Variants in PTPRT observed in about 807,000 individuals in gnomAD.
PTPRT encodes protein tyrosine phosphatase receptor type T.
In PTPRT, 56 loss-of-function variants were observed where a neutral mutation model predicts 176.8. The ratio of observed to expected loss-of-function variants is 0.32; its 90% CI spans 0.26 to 0.40. PTPRT has a LOEUF of 0.40. Ranked by LOEUF, PTPRT falls within the 10% of genes least tolerant of loss-of-function variation. The pLI is 1.00. For missense variants in PTPRT, 1,540 were observed against 1,908.2 expected, an observed-to-expected ratio of 0.81 and a Z score of 3.60; for synonymous variants, 783 against 739.0, an observed-to-expected ratio of 1.06 and a Z score of -0.96.
At chr20:42,593,948 T>G (rs1256473213) in intron 7 of PTPRT, among the ~76,000 whole-genome samples, 1 of 152,104 alleles carries the variant, frequency 6.6e-6, no homozygotes, top group East Asian at 1.9e-4. Context: ...CAGAGAGAGG[T>G]TGAAGCTGGA....
At chr20:43,061,107 G>A (rs1353849539) in intron 1 of PTPRT, among the ~76,000 whole-genome samples, 2 of 151,996 alleles carry the variant, frequency 1.3e-5, no homozygotes, top group Non-Finnish European at 2.9e-5. Context: ...TGGATGGATG[G>A]ATGGATGGAT....
At chr20:42,545,228 G>A (rs73906947) in intron 7 of PTPRT, among the ~76,000 whole-genome samples, 2,263 of 152,238 alleles carry the variant, frequency 0.015, 58 homozygotes, top group African/African-American at 0.052. Context: ...TTGGAATTCC[G>A]TAGTACCGGT....
At chr20:42,177,769 G>A (rs563450577) in intron 16 of PTPRT, among the ~76,000 whole-genome samples, 4 of 152,202 alleles carry the variant, frequency 2.6e-5, no homozygotes, top group African/African-American at 9.6e-5. Flanking sequence ...TAGGGAAGAA[G>A]AATGGTAAGT....
chr20:42,215,391 T>C (rs568858839), intron 15 of PTPRT, among the ~76,000 whole-genome samples: 2 of 152,332 alleles, frequency 1.3e-5, no homozygotes, highest in East Asian at 1.9e-4. Flanking sequence ...TGATGAGAAA[T>C]GATAAATGAT....
chr20:42,232,485 G>A (rs1600707210), intron 15 of PTPRT, among the ~76,000 whole-genome samples: 1 of 152,178 alleles, frequency 6.6e-6, no homozygotes, highest in African/African-American at 2.4e-5. Context: ...TACTGGTCCA[G>A]GGTCCACACA....
chr20:42,821,945 GGAT>G lies in PTPRT; in HGVS notation c.215-30482_215-30480del, dbSNP rs545338568. 6.9e-3 allele frequency among the ~76,000 whole-genome samples: 1,053 copies of G among 152,246 alleles called. 10 individuals carry two copies. Among genetic ancestry groups the G allele is most frequent in the African/African-American group, 0.024 (992 of 41,536 alleles). On this transcript the variant is annotated intron_variant, in intron 2 of 30. Transcript: ENST00000373187. ...AAATGGAAAAACATTCCATCCTCAT[GGAT>G]AGGAAGAATCAATACTGTGAAAATG... is the stretch of plus-strand genomic sequence containing the variant.
intron 5 of PTPRT, among the ~76,000 whole-genome samples, chr20:42,757,255 T>A (rs949385022): frequency 1.8e-4 from 27 of 152,200 alleles, no homozygotes; most frequent in Non-Finnish European, 3.4e-4. Flanking sequence ...TTCCTCCCTA[T>A]TTTCCTTTTT....
chr20:42,185,397 T>C (rs934309712), intron 16 of PTPRT, among the ~76,000 whole-genome samples: 1 of 152,196 alleles, frequency 6.6e-6, no homozygotes, highest in Non-Finnish European at 1.5e-5. Context: ...CCTATTCCTA[T>C]GATTGAAGGA....
intron 12 of PTPRT, among the ~76,000 whole-genome samples, chr20:42,312,305 C>G (rs148073525): frequency 4.4e-4 from 67 of 152,222 alleles, no homozygotes; most frequent in African/African-American, 1.6e-3. Context: ...CGAACAACAA[C>G]TTGGCTGATA....
intron 6 of PTPRT, among the ~76,000 whole-genome samples, chr20:42,736,091 G>C (rs1397864038): frequency 6.6e-6 from 1 of 152,202 alleles, no homozygotes; most frequent in Non-Finnish European, 1.5e-5. Context: ...TAAACAGATA[G>C]TTGGACACAG....
intron 2 of PTPRT, among the ~76,000 whole-genome samples, chr20:42,883,826 ACACACACC>A (rs2079056655): frequency 8.3e-6 from 1 of 120,244 alleles, no homozygotes; most frequent in African/African-American, 3.6e-5. Flanking sequence ...ATATGCACAC[ACACACACC>A]CCCATACACA....
chr20:42,248,856 A>G (rs753119457), intron 13 of PTPRT, 34 bp from the exon 14 acceptor site: 22 of 1,608,646 alleles, frequency 1.4e-5, no homozygotes, highest in Non-Finnish European at 1.9e-5. Flanking sequence ...GCAATGTTGA[A>G]AGCACCCAAA....
At chr20:42,628,954 G>GATACT (rs2074350274) in intron 7 of PTPRT, among the ~76,000 whole-genome samples, 1 of 152,146 alleles carries the variant, frequency 6.6e-6, no homozygotes, top group African/African-American at 2.4e-5. Context: ...TAGCAAGAAA[G>GATACT]TAGCAGAGTC....
At chr20:42,190,259 T>A (rs1343173270) in intron 16 of PTPRT, among the ~76,000 whole-genome samples, 1 of 152,230 alleles carries the variant, frequency 6.6e-6, no homozygotes, top group African/African-American at 2.4e-5. Flanking sequence ...TTTCAGTGTG[T>A]GACTCATCAT....
At chr20:43,104,612 T>C (rs1220321761) in intron 1 of PTPRT, among the ~76,000 whole-genome samples, 1 of 152,206 alleles carries the variant, frequency 6.6e-6, no homozygotes, top group Non-Finnish European at 1.5e-5. Flanking sequence ...TGGAGCTAAA[T>C]AGATGGAACT....
chr20:42,795,693 T>A (rs17749365), intron 2 of PTPRT, among the ~76,000 whole-genome samples: 2 of 152,006 alleles, frequency 1.3e-5, no homozygotes, highest in Admixed American at 1.3e-4. Flanking sequence ...CAAGCAGCTG[T>A]GGTGACATGA....
intron 2 of PTPRT, among the ~76,000 whole-genome samples, chr20:42,872,064 T>C (rs2078855352): frequency 6.6e-6 from 1 of 152,190 alleles, no homozygotes; most frequent in South Asian, 2.1e-4. Context: ...CCTGAGAAAG[T>C]GCAATTTGGG....
intron 14 of PTPRT, among the ~76,000 whole-genome samples, chr20:42,238,265 G>A (rs1448242233): frequency 1.3e-5 from 2 of 152,148 alleles, no homozygotes; most frequent in African/African-American, 4.8e-5. Flanking sequence ...GAGTCTAAAA[G>A]TTAAGAAGCC....
intron 5 of PTPRT, among the ~76,000 whole-genome samples, chr20:42,757,047 C>T (rs1240325136): frequency 7.6e-6 from 1 of 131,288 alleles, no homozygotes; most frequent in Admixed American, 7.5e-5. Flanking sequence ...AAGGCCCTGC[C>T]TCTTTAAAAA....
Sources: allele counts gnomAD v4.1 joint callset (sites outside exome capture counted in the v4.1 genomes callset), GRCh38; gene constraint gnomAD v4.1.1; transcripts MANE v1.5; gene names NCBI Gene and HGNC (gene_info 2026-07-23, HGNC 2026-07-21).